The following ERI3 variants were observed in gnomAD, a reference collection of about 807,000 sequenced individuals.
ERI3 encodes ERI1 exoribonuclease 3.
ERI3 carries 18 observed loss-of-function variants against 44.4 expected under a neutral mutation model. The observed-to-expected ratio is 0.41, with a 90% CI of 0.28 to 0.60. ERI3 has a LOEUF of 0.60. ERI3 is among the 20% of genes least tolerant of loss of function. The pLI is 0.36. For synonymous variants in ERI3, 183 were observed against 164.8 expected (o/e 1.11, Z -0.84); for missense variants, 294 against 435.5 (o/e 0.68, Z 2.89).
intron 2 of ERI3, among the ~76,000 whole-genome samples, chr1:44,341,354 C>T (rs1646649100): frequency 1.3e-5 from 2 of 152,196 alleles, no homozygotes; most frequent in African/African-American, 4.8e-5. Flanking sequence ...ATATATTATC[C>T]TAATGTTATT....
chr1:44,341,584 T>C (rs1435754363), intron 2 of ERI3, among the ~76,000 whole-genome samples: 2 of 152,194 alleles, frequency 1.3e-5, no homozygotes, highest in South Asian at 2.1e-4. Context: ...CCTGATTTCA[T>C]CTACATCAAA....
At chr1:44,327,656 C>A (rs535446240) in intron 3 of ERI3, among the ~76,000 whole-genome samples, 1 of 152,188 alleles carries the variant, frequency 6.6e-6, no homozygotes, top group African/African-American at 2.4e-5. Flanking sequence ...CTTTTAACTA[C>A]TATGCTCTAC....
At chr1:44,280,476 T>C (rs1168880443) in intron 7 of ERI3, among the ~76,000 whole-genome samples, 1 of 152,144 alleles carries the variant, frequency 6.6e-6, no homozygotes, top group Non-Finnish European at 1.5e-5. Context: ...ACAGTATTCC[T>C]CCACTCCCAC....
At chr1:44,332,724 C>T (rs1023362495) in intron 3 of ERI3, among the ~76,000 whole-genome samples, 2 of 152,236 alleles carry the variant, frequency 1.3e-5, no homozygotes, top group African/African-American at 2.4e-5. Flanking sequence ...ACAGCAAACG[C>T]TTGTTCCCAT....
At chr1:44,238,569 C>T (rs114514143) in intron 8 of ERI3, among the ~76,000 whole-genome samples, 7 of 152,100 alleles carry the variant, frequency 4.6e-5, no homozygotes, top group Non-Finnish European at 1.0e-4. Context: ...GCCTGGCCAC[C>T]GGAGTCAGCT....
chr1:44,274,344 C>T (rs552322673), intron 7 of ERI3, among the ~76,000 whole-genome samples: 2 of 152,256 alleles, frequency 1.3e-5, no homozygotes, highest in South Asian at 4.1e-4. Context: ...GTAACAGTGC[C>T]GATGCAGTGA....
At chr1:44,315,772 G>T (rs1028283317) in intron 4 of ERI3, among the ~76,000 whole-genome samples, 1 of 152,244 alleles carries the variant, frequency 6.6e-6, no homozygotes, top group African/African-American at 2.4e-5. Context: ...CTCAGGGAAG[G>T]CCTCAGGCTC....
intron 8 of ERI3, among the ~76,000 whole-genome samples, chr1:44,233,516 G>A (rs1173726481): frequency 6.6e-6 from 1 of 150,900 alleles, no homozygotes; most frequent in Non-Finnish European, 1.5e-5. Flanking sequence ...CGATTCTCCT[G>A]CCTTAGCCTC....
At chr1:44,269,275 C>G (rs932002016) in intron 7 of ERI3, among the ~76,000 whole-genome samples, 2 of 152,222 alleles carry the variant, frequency 1.3e-5, no homozygotes, top group African/African-American at 2.4e-5. Context: ...GATGAGAAAA[C>G]TGAGGACTCA....
At chr1:44,238,589 A>G (rs1557774567) in intron 8 of ERI3, among the ~76,000 whole-genome samples, 2 of 152,120 alleles carry the variant, frequency 1.3e-5, no homozygotes, top group South Asian at 4.1e-4. Context: ...TTCTCCCACC[A>G]GAAGCATCTG....
At chr1:44,285,911 A>G (rs1354166357) in intron 6 of ERI3, among the ~76,000 whole-genome samples, 1 of 152,234 alleles carries the variant, frequency 6.6e-6, no homozygotes, top group Admixed American at 6.5e-5. Context: ...GTTGTGATTT[A>G]CCAAGATTGT....
intron 6 of ERI3, among the ~76,000 whole-genome samples, chr1:44,296,282 C>A (rs922897498): frequency 6.6e-6 from 1 of 152,122 alleles, no homozygotes; most frequent in South Asian, 2.1e-4. Flanking sequence ...AACTGGGTGA[C>A]CCCTGAGGTC....
chr1:44,221,924 C>T lies in ERI3; in HGVS notation c.932-284G>A, dbSNP rs888673718. 1.3e-5 allele frequency among the ~76,000 whole-genome samples: 2 copies of T among 152,210 alleles called. No individual in the cohort carries two copies. Among genetic ancestry groups the T allele is most frequent in the African/African-American group, 2.4e-5 (1 of 41,450 alleles). ...CCCAGCGGTGATGTATGGGCGCCGT[C>T]GCAGTAAGAAAAAGGCAGAGTAAAT... On this transcript the variant is annotated intron_variant, in intron 8 of 8. Transcript: ENST00000372257. The surrounding 1 kb of genome is among the most constrained non-coding windows in gnomAD (Gnocchi z 5.9).
intron 8 of ERI3, among the ~76,000 whole-genome samples, chr1:44,232,667 G>A (rs561124787): frequency 3.3e-5 from 5 of 152,154 alleles, no homozygotes; most frequent in East Asian, 1.9e-4. Flanking sequence ...GGGGGAAGAC[G>A]GGAAAAGGCA....
intron 8 of ERI3, among the ~76,000 whole-genome samples, chr1:44,223,124 C>A (rs1038578854): frequency 3.9e-5 from 6 of 152,164 alleles, no homozygotes; most frequent in Non-Finnish European, 8.8e-5. Context: ...GTGACACCTT[C>A]CCCCAGGGAC....
chr1:44,350,333 C>T (rs1428217564), intron 2 of ERI3, among the ~76,000 whole-genome samples: 1 of 151,912 alleles, frequency 6.6e-6, no homozygotes, highest in Non-Finnish European at 1.5e-5. Context: ...ACAATCTCGG[C>T]TCACTGCAAC....
chr1:44,271,415 C>T (rs1645085274), intron 7 of ERI3, among the ~76,000 whole-genome samples: 1 of 152,228 alleles, frequency 6.6e-6, no homozygotes, highest in South Asian at 2.1e-4. Context: ...TCCACCAAAA[C>T]CTTTCTTGAT....
intron 3 of ERI3, among the ~76,000 whole-genome samples, chr1:44,327,183 T>C (rs956391519): frequency 2.0e-5 from 3 of 152,160 alleles, no homozygotes; most frequent in Non-Finnish European, 4.4e-5. Context: ...AAATCTCAGG[T>C]TATGTGCTAG....
intron 8 of ERI3, among the ~76,000 whole-genome samples, chr1:44,225,285 G>A (rs1171623431): frequency 6.6e-6 from 1 of 152,060 alleles, no homozygotes; most frequent in Non-Finnish European, 1.5e-5. Flanking sequence ...CTAACCTTTG[G>A]TTTTGTTTCA....
Sources: gnomAD v4.1 joint callset for allele counts (sites outside exome capture counted in the v4.1 genomes callset) on GRCh38, gnomAD v4.1.1 for gene constraint, Gnocchi (gnomAD v3.1) non-coding constraint, MANE v1.5 for transcripts, NCBI Gene and HGNC (gene_info 2026-07-23, HGNC 2026-07-21) for gene names.